Variants in CD2 observed in about 807,000 individuals in gnomAD.
CD2 encodes CD2 molecule, also known as T-cell surface antigen CD2.
Under a neutral mutation model 23.2 loss-of-function variants are expected in CD2, and 18 were observed. That is an observed-to-expected ratio of 0.77 (90% confidence interval 0.54 to 1.15). CD2 has a LOEUF of 1.15. Ranked by LOEUF, CD2 falls within the 50% of genes most tolerant of loss-of-function variation. The probability of loss-of-function intolerance (pLI) is 0.00; values close to 1 mark genes in which losing one functional copy is unlikely to be tolerated. For synonymous variants in CD2, 162 were observed against 151.9 expected (o/e 1.07, Z -0.49); for missense variants, 424 against 423.1 (o/e 1.00, Z -0.02).
Position 116,769,117 on chromosome 1 carries a change from G to T in CD2, c.*334G>T. ...ATAAATCAAGTGATTGGTGTGCCTG[G>T]GTCTCACTACAAGCAGCCTATCTGC... On this transcript the variant is annotated 3_prime_UTR_variant, in exon 5 of 5. Coordinates refer to ENST00000369478, the MANE Select transcript of CD2 (RefSeq NM_001767.5). 2 of 239,364 alleles carry T rather than the reference G, an allele frequency of 8.4e-6. No homozygotes were observed. The highest frequency in any genetic ancestry group is 9.1e-5 in the South Asian group (1 of 10,960). 14.8% of individuals were successfully genotyped at this position (239,364 alleles called of 1,614,324 possible).
At chr1:116,758,988 C>T (rs1651949676) in intron 2 of CD2, among the ~76,000 whole-genome samples, 1 of 152,092 alleles carries the variant, frequency 6.6e-6, no homozygotes, top group Non-Finnish European at 1.5e-5. Context: ...GATAATTCAC[C>T]TATCATTCAA....
At chr1:116,763,529 C>T (rs565553084) in intron 3 of CD2, among the ~76,000 whole-genome samples, 1 of 152,314 alleles carries the variant, frequency 6.6e-6, no homozygotes, top group African/African-American at 2.4e-5. Flanking sequence ...GAAACAGCTC[C>T]CAGAAACACC....
chr1:116,755,092 C>G (rs957118563), intron 2 of CD2, 141 bp downstream of exon 2: 1 of 637,840 alleles, frequency 1.6e-6, no homozygotes, highest in African/African-American at 1.8e-5. Flanking sequence ...GTCTCCTGCC[C>G]CAGTGGAGAC....
chr1:116,756,581 T>C (rs796425459), intron 2 of CD2, among the ~76,000 whole-genome samples: 7 of 152,250 alleles, frequency 4.6e-5, no homozygotes, highest in African/African-American at 1.7e-4. Context: ...TTCTTTTTTT[T>C]TCCAAGCAGC....
chr1:116,765,215 G>T (rs1652178625), intron 4 of CD2, among the ~76,000 whole-genome samples: 1 of 152,160 alleles, frequency 6.6e-6, no homozygotes. Context: ...GAGCATCCAG[G>T]CCACCCAAGG....
chr1:116,765,751 C>T (rs1652198934), intron 4 of CD2, among the ~76,000 whole-genome samples: 3 of 152,270 alleles, frequency 2.0e-5, no homozygotes, highest in Non-Finnish European at 2.9e-5. Context: ...TCTCCATTGA[C>T]TAATGGTCAA....
At position 116,754,764 on chromosome 1, in the gene CD2, GA is replaced by G; in HGVS notation, c.200del (p.Lys67ArgfsTer26). The G allele has an allele frequency of 6.2e-7, 1 of 1,613,430 alleles. No individual in the cohort carries two copies. The highest frequency in any genetic ancestry group is 8.5e-7 in the Non-Finnish European group (1 of 1,179,766). ...DIKWEKTSDKKKIAQFRKEKE... is the reference protein window; with the variant it reads ...DIKWEKTSDKXKIAQFRKEKE... The stretch of plus-strand genomic sequence containing the variant: ...TAAAATGGGAAAAAACTTCAGACAA[GA>G]AAAAGATTGCACAATTCAGAAAAGA... On this transcript the variant is annotated frameshift_variant, in exon 2 of 5. Coordinates refer to ENST00000369478, the MANE Select transcript of CD2 (RefSeq NM_001767.5). LOFTEE classifies it high-confidence loss of function.
At chr1:116,759,374 A>C (rs532251167) in intron 2 of CD2, among the ~76,000 whole-genome samples, 394 of 152,020 alleles carry the variant, frequency 2.6e-3, no homozygotes, top group African/African-American at 9.0e-3. Flanking sequence ...TTATGAATGG[A>C]GAGAAACTGA....
In CD2 at chr1:116,754,506, G is replaced by A. The variant is rs989279218; in HGVS notation, c.14G>A (p.Cys5Tyr). Reference protein sequence around the residue: MSFPCKFVASFLLIF... With the variant: MSFPYKFVASFLLIF... The stretch of plus-strand genomic sequence containing the variant: ...CCAACCCCTAAGATGAGCTTTCCAT[G>A]TAAATTTGTAGCCAGCTTCCTTCTG... Residue 5 changes from cysteine (C) to tyrosine (Y), a missense_variant, in exon 1 of 5, where the codon TGT (cysteine) becomes TAT (tyrosine). Physicochemically the swap from Cys to Tyr is radical, Grantham distance 194. Coordinates refer to ENST00000369478, the MANE Select transcript of CD2 (RefSeq NM_001767.5). 1 of 1,613,904 alleles carries A rather than the reference G, an allele frequency of 6.2e-7. No individual in the cohort carries two copies. The highest frequency in any genetic ancestry group is 8.5e-7 in the Non-Finnish European group (1 of 1,179,998).
chr1:116,764,430 A>T, intron 3 of CD2, 54 bp from the exon 4 acceptor site: 1 of 1,594,976 alleles, frequency 6.3e-7, no homozygotes, highest in Non-Finnish European at 8.5e-7. Context: ...GGCCAGAGTA[A>T]TGGGCTCTCT....
intron 2 of CD2, among the ~76,000 whole-genome samples, 198 bp from the exon 3 acceptor site, chr1:116,760,204 G>A (rs1236177170): frequency 6.6e-6 from 1 of 152,172 alleles, no homozygotes; most frequent in Admixed American, 6.5e-5. Flanking sequence ...TAATGTATCT[G>A]TGAATGTCAT....
chr1:116,761,446 T>C (rs1652050604), intron 3 of CD2, among the ~76,000 whole-genome samples: 1 of 152,198 alleles, frequency 6.6e-6, no homozygotes, highest in African/African-American at 2.4e-5. Context: ...AGTAGGCTCT[T>C]GGATCCACTT....
chr1:116,758,548 GA>G (rs1193943267), intron 2 of CD2, among the ~76,000 whole-genome samples: 1 of 152,108 alleles, frequency 6.6e-6, no homozygotes, highest in Non-Finnish European at 1.5e-5. Flanking sequence ...ACCTTGAGTG[GA>G]GAGCACCTTG....
chr1:116,756,769 C>T (rs1571237664), intron 2 of CD2, among the ~76,000 whole-genome samples: 1 of 152,144 alleles, frequency 6.6e-6, no homozygotes, highest in African/African-American at 2.4e-5. Context: ...CAATGTCATA[C>T]AACATCTTGA....
Position 116,768,560 on chromosome 1 carries a change from C to T in CD2, c.833C>T (p.Thr278Ile), listed in dbSNP as rs1345183941. The T allele has an allele frequency of 1.9e-6, 3 of 1,614,040 alleles. No individual in the cohort carries two copies. Among genetic ancestry groups the T allele is most frequent in the African/African-American group, 1.3e-5 (1 of 74,898 alleles). Residue 278 changes from threonine to isoleucine, a missense_variant, in exon 5 of 5, where the codon ACT becomes ATT. Coordinates refer to ENST00000369478, the MANE Select transcript of CD2 (RefSeq NM_001767.5). ...GCTTCAACCCCTCAGAATCCAGCAA[C>T]TTCCCAACATCCTCCTCCACCACCT... ...IPASTPQNPATSQHPPPPPGH... is the reference protein window; with the variant it reads ...IPASTPQNPAISQHPPPPPGH...
intron 2 of CD2, among the ~76,000 whole-genome samples, chr1:116,759,789 C>T (rs988130586): frequency 1.3e-5 from 2 of 152,184 alleles, no homozygotes; most frequent in Non-Finnish European, 2.9e-5. Flanking sequence ...CAGGCAGGTG[C>T]TCTTTTTCCC....
At chr1:116,756,277 G>T (rs557997934) in intron 2 of CD2, among the ~76,000 whole-genome samples, 2 of 152,224 alleles carry the variant, frequency 1.3e-5, no homozygotes, top group Non-Finnish European at 2.9e-5. Flanking sequence ...CACAAAACTC[G>T]AGTGTCCTGT....
At chr1:116,755,210 C>T (rs1432842951) in intron 2 of CD2, among the ~76,000 whole-genome samples, 1 of 152,142 alleles carries the variant, frequency 6.6e-6, no homozygotes, top group Non-Finnish European at 1.5e-5. Flanking sequence ...GGGTGAAGAA[C>T]CTGGATTAAG....
Position 116,754,449 on chromosome 1 carries a change from T to C in CD2, c.-44T>C. On this transcript the variant is annotated 5_prime_UTR_variant, in exon 1 of 5. Transcript: ENST00000369478. Reference sequence around the variant, plus strand: ...TCCACCAGTCTCACTTCAGTTCCTTTTGCATGAAGAGCTCAGAATCAAAAG... The same window carrying C: ...TCCACCAGTCTCACTTCAGTTCCTTCTGCATGAAGAGCTCAGAATCAAAAG... The C allele has an allele frequency of 6.4e-7, 1 of 1,570,622 alleles. No homozygotes were observed.
Sources: allele counts gnomAD v4.1 joint callset (sites outside exome capture counted in the v4.1 genomes callset), GRCh38; gene constraint gnomAD v4.1.1; transcripts MANE v1.5; gene names NCBI Gene and HGNC (gene_info 2026-07-23, HGNC 2026-07-21).